The following GNPDA1 variants were observed in gnomAD, a reference collection of about 807,000 sequenced individuals.
GNPDA1 encodes glucosamine-6-phosphate deaminase 1.
Under a neutral mutation model 28.5 loss-of-function variants are expected in GNPDA1, and 24 were observed. That is an observed-to-expected ratio of 0.84 (90% CI 0.61 to 1.19). GNPDA1 has a LOEUF of 1.19. Ranked by LOEUF, GNPDA1 falls within the 50% of genes most tolerant of loss-of-function variation. The pLI, the probability that GNPDA1 is intolerant of heterozygous loss-of-function variation, is 0.00. For synonymous variants in GNPDA1, 147 were observed against 139.3 expected (o/e 1.06, Z -0.39); for missense variants, 264 against 367.3 (o/e 0.72, Z 2.30).
At chr5:142,011,734 A>C in intron 2 of GNPDA1, 178 bp downstream of exon 2, 1 of 596,044 alleles carries the variant, frequency 1.7e-6, no homozygotes, top group Non-Finnish European at 2.9e-6. Flanking sequence ...CAGCGACTAA[A>C]CCAACCCATA....
Position 142,011,827 on chromosome 5 carries a change from T to C in GNPDA1, c.124+85A>G, listed in dbSNP as rs748147169. ...TACCCCAGAGCCCCCGTGAAGTCCC[T>C]TGGCTGAGTGAGCCGGTGTACCTGG... On this transcript the variant is annotated intron_variant, in intron 2 of 6. Transcript: ENST00000311337. The C allele has an allele frequency of 4.6e-6, 7 of 1,516,320 alleles. No individual in the cohort carries two copies. In the South Asian group the frequency reaches 7.9e-5, roughly 17 times the overall value. The allele number at this position is 1,516,320 out of a possible 1,614,324, so 93.9% of individuals were successfully genotyped here.
chr5:142,003,739 G>A lies in GNPDA1; in HGVS notation c.595-477C>T, dbSNP rs112550713. ...TCTAAGGCTGAATCCCAGAAAGGTT[G>A]CCCCATTATCTGGTCACTTTCAGTT... On this transcript the variant is annotated intron_variant, in intron 5 of 6. Transcript: ENST00000311337. This position sits in a 1 kb window ranked among gnomAD's most constrained non-coding sequence, Gnocchi z 4.0. Among the ~76,000 whole-genome samples, 1 of 152,180 alleles carries A rather than the reference G, an allele frequency of 6.6e-6. No homozygotes were observed. Among genetic ancestry groups the A allele is most frequent in the Non-Finnish European group, 1.5e-5 (1 of 68,020 alleles).
At chr5:142,002,579 C>T (rs1242787010) in intron 6 of GNPDA1, among the ~76,000 whole-genome samples, 1 of 152,038 alleles carries the variant, frequency 6.6e-6, no homozygotes, top group African/African-American at 2.4e-5. Flanking sequence ...ATGGCAAAAC[C>T]CCGCCTCTAC....
rs753375816 is a variant in GNPDA1, at chr5:142,006,307, C to A, written c.246G>T (p.Pro82=). 1 of 1,613,292 alleles carries A rather than the reference C, an allele frequency of 6.2e-7. No homozygotes were observed. Among genetic ancestry groups the A allele is most frequent in the Admixed American group, 1.7e-5 (1 of 60,008 alleles). The change falls in exon 4 of 7, where the codon CCG becomes CCT. Residue 82 remains proline, a synonymous_variant. Transcript: ENST00000311337. ...TCCACATGAAGGAGTGGTAACTCTC[C>A]GGGTGGTCTCGAGGAAGGCCTGTGG... ...DEYVGLPRDH[P]ESYHSFMWNN...
Position 142,001,985 on chromosome 5 carries a change from C to A in GNPDA1, c.*44G>T, listed in dbSNP as rs1185145245. ...CTTCTAAAGACAATTTCCAGAAAGA[C>A]CTGCCTTTCCCTATGGGTACTTGAC... On this transcript the variant is annotated 3_prime_UTR_variant, in exon 7 of 7. Coordinates refer to ENST00000311337, the MANE Select transcript of GNPDA1 (RefSeq NM_005471.5). 1.0e-6 allele frequency: 1 copy of A among 956,966 alleles called. No homozygotes were observed. The highest frequency in any genetic ancestry group is 1.7e-6 in the Non-Finnish European group (1 of 599,478). The allele number at this position is 956,966 out of a possible 1,614,324, so 59.3% of individuals were successfully genotyped here.
intron 5 of GNPDA1, among the ~76,000 whole-genome samples, chr5:142,004,695 C>T (rs1252689013): frequency 2.6e-5 from 4 of 152,238 alleles, no homozygotes; most frequent in African/African-American, 9.6e-5. Flanking sequence ...AGCCTGCTGT[C>T]TCAGGCAGTC....
chr5:142,009,051 A>G (rs991156313), intron 2 of GNPDA1, among the ~76,000 whole-genome samples: 13 of 146,334 alleles, frequency 8.9e-5, no homozygotes, highest in African/African-American at 3.3e-4. Context: ...TGTGGTTCAG[A>G]AAAAAAAAGT....
chr5:142,009,605 C>T (rs1048242079), intron 2 of GNPDA1, among the ~76,000 whole-genome samples: 3 of 152,100 alleles, frequency 2.0e-5, no homozygotes, highest in African/African-American at 7.2e-5. Flanking sequence ...ATGGCAGCTC[C>T]CCGCAGCCCA....
chr5:142,003,045 C>T lies in GNPDA1; in HGVS notation c.769+43G>A, dbSNP rs1314713069. On this transcript the variant is annotated intron_variant, in intron 6 of 6. Transcript: ENST00000311337. This position sits in a 1 kb window ranked among gnomAD's most constrained non-coding sequence, Gnocchi z 4.0. ...GGATCTACTCCTTACTCCTAGCACA[C>T]CCTAAGCTTGACCACCTCCTCCTGG... 1.9e-6 allele frequency: 3 copies of T among 1,557,988 alleles called. No homozygotes were observed. The East Asian group carries it at 6.7e-5, about 35-fold the overall frequency.
At chr5:142,007,686 A>G (rs948839961) in intron 3 of GNPDA1, 113 bp downstream of exon 3, 11 of 695,066 alleles carry the variant, frequency 1.6e-5, no homozygotes, top group Non-Finnish European at 2.6e-5. Flanking sequence ...TTGATAATTG[A>G]GCCTATCATC....
Position 142,006,313 on chromosome 5 carries a change from G to A in GNPDA1, c.240C>T (p.Asp80=), listed in dbSNP as rs1008160878. The A allele has an allele frequency of 2.5e-6, 4 of 1,613,232 alleles. No homozygotes were observed. Among genetic ancestry groups the A allele is most frequent in the Non-Finnish European group, 3.4e-6 (4 of 1,179,596 alleles). The change falls in exon 4 of 7, where the codon GAC becomes GAT. Residue 80 remains aspartate, a synonymous_variant. Coordinates refer to ENST00000311337, the MANE Select transcript of GNPDA1 (RefSeq NM_005471.5). ...TGAAGGAGTGGTAACTCTCCGGGTG[G>A]TCTCGAGGAAGGCCTGTGGGGCCGT... ...NMDEYVGLPR[D]HPESYHSFMW...
intron 2 of GNPDA1, 45 bp downstream of exon 2, chr5:142,011,867 T>C (rs1755966069): frequency 6.2e-7 from 1 of 1,608,262 alleles, no homozygotes; most frequent in African/African-American, 1.3e-5. Context: ...TGTTGCCTAC[T>C]CTCTCCACCC....
At chr5:142,011,842 G>T in intron 2 of GNPDA1, 70 bp downstream of exon 2, 1 of 1,564,280 alleles carries the variant, frequency 6.4e-7, no homozygotes, top group South Asian at 1.1e-5. Context: ...TGAGTGAGCC[G>T]GTGTACCTGG....
In GNPDA1 at chr5:142,007,812, C is replaced by T; in HGVS notation, c.213G>A (p.Met71Ile). 1 of 1,590,276 alleles carries T rather than the reference C, an allele frequency of 6.3e-7. No individual in the cohort carries two copies. Among genetic ancestry groups the T allele is most frequent in the Non-Finnish European group, 8.6e-7 (1 of 1,158,338 alleles). Reference sequence around the variant, plus strand: ...AGAAAGACTCACCCACGTACTCATCCATGTTGAAGGTCTTCACATATTTAA... The same window carrying T: ...AGAAAGACTCACCCACGTACTCATCTATGTTGAAGGTCTTCACATATTTAA... Reference protein sequence around the residue: ...LSFKYVKTFNMDEYVGLPRDH... With the variant: ...LSFKYVKTFNIDEYVGLPRDH... Residue 71 changes from methionine (M) to isoleucine (I), a missense_variant, in exon 3 of 7, where the codon ATG becomes ATA. By Grantham distance (10) the Met-to-Ile change is conservative. Transcript: ENST00000311337.
intron 4 of GNPDA1, 26 bp downstream of exon 4, chr5:142,006,116 CAT>C (rs781401842): frequency 6.3e-7 from 1 of 1,586,344 alleles, no homozygotes. Context: ...TGGCCCTGGA[CAT>C]GTGTGCTGCA....
At chr5:142,011,629 C>T (rs1403609045) in intron 2 of GNPDA1, among the ~76,000 whole-genome samples, 1 of 152,144 alleles carries the variant, frequency 6.6e-6, no homozygotes, top group African/African-American at 2.4e-5. Context: ...TGTTAAGAAA[C>T]CCTGGTGGAC....
Position 142,006,225 on chromosome 5 carries a change from T to A in GNPDA1, c.328A>T (p.Asn110Tyr). The A allele has an allele frequency of 6.2e-7, 1 of 1,613,952 alleles. No homozygotes were observed. ...CATTCTGCCTGTAGGTCGACTGCAT[T>A]CCCATCCAGAATGTGGGTGTTTTCT... Reference protein sequence around the residue: ...HPENTHILDGNAVDLQAECDA... With the variant: ...HPENTHILDGYAVDLQAECDA... The change falls in exon 4 of 7, where the codon AAT (asparagine) becomes TAT (tyrosine). Residue 110 changes from asparagine (N) to tyrosine (Y), a missense_variant. Coordinates refer to ENST00000311337, the MANE Select transcript of GNPDA1 (RefSeq NM_005471.5).
Position 142,001,083 on chromosome 5 carries a change from T to C in GNPDA1, c.*946A>G, listed in dbSNP as rs2127086172. The C allele has an allele frequency of 6.6e-6, 1 of 152,354 alleles. No homozygotes were observed. The highest frequency in any genetic ancestry group is 2.1e-4 in the South Asian group (1 of 4,708). The allele number at this position is 152,354 out of a possible 1,614,324, so 9.4% of individuals were successfully genotyped here. On this transcript the variant is annotated 3_prime_UTR_variant, in exon 7 of 7. Transcript: ENST00000311337. ...ACAATACTAGAAGCATTTGGTGTAT[T>C]TTCCTGGCACTCACCTCCTAGGTAA... is the stretch of plus-strand genomic sequence containing the variant.
At chr5:142,004,630 C>T (rs1353448492) in intron 5 of GNPDA1, among the ~76,000 whole-genome samples, 1 of 152,198 alleles carries the variant, frequency 6.6e-6, no homozygotes, top group Non-Finnish European at 1.5e-5. Context: ...CCAACATTAG[C>T]GATGCTGGCC....
Sources: gnomAD v4.1 joint callset for allele counts (sites outside exome capture counted in the v4.1 genomes callset) on GRCh38, gnomAD v4.1.1 for gene constraint, Gnocchi (gnomAD v3.1) non-coding constraint, MANE v1.5 for transcripts, NCBI Gene and HGNC (gene_info 2026-07-23, HGNC 2026-07-21) for gene names.